JAKMIP3: variants seen among roughly 807,000 people sequenced by gnomAD.
JAKMIP3 encodes the protein Janus kinase and microtubule interacting protein 3, also known as janus kinase and microtubule-interacting protein 3.
In JAKMIP3, 58 loss-of-function variants were observed where a neutral mutation model predicts 118.5. The ratio of observed to expected loss-of-function variants is 0.49; its 90% CI spans 0.40 to 0.61. The LOEUF is 0.61. JAKMIP3 is among the 20% of genes least tolerant of loss of function. The pLI is 0.00. For missense variants in JAKMIP3, 950 were observed against 1,109.0 expected (o/e 0.86, Z 2.04); for synonymous variants, 486 against 451.2 (o/e 1.08, Z -0.98).
chr10:132,122,316 C>T (rs560909965), intron 3 of JAKMIP3, among the ~76,000 whole-genome samples: 31 of 152,088 alleles, frequency 2.0e-4, no homozygotes, highest in African/African-American at 7.2e-4. Flanking sequence ...CCCCGGCTGT[C>T]GGGGCCCTGA....
chr10:132,086,838 G>A (rs1363951064), intron 1 of JAKMIP3, among the ~76,000 whole-genome samples: 1 of 152,180 alleles, frequency 6.6e-6, no homozygotes, highest in East Asian at 1.9e-4. Flanking sequence ...TTTAAGTGGA[G>A]GCTTTAGGCC....
At chr10:132,134,834 C>T (rs11146205) in intron 4 of JAKMIP3, among the ~76,000 whole-genome samples, 43,307 of 152,066 alleles carry the variant, frequency 0.28, 7,450 homozygotes, top group Non-Finnish European at 0.4. Flanking sequence ...CTCTGCCCGT[C>T]GGTTCTGTTG....
chr10:132,109,870 G>T (rs370511786), intron 2 of JAKMIP3, among the ~76,000 whole-genome samples: 1 of 152,212 alleles, frequency 6.6e-6, no homozygotes, highest in Admixed American at 6.5e-5. Context: ...CCAAACACTT[G>T]CATAAGTCTT....
chr10:132,159,751 CCTCTTCCTGTGTGATACTGGGGGGT>C lies in JAKMIP3; in HGVS notation c.2221-3442_2221-3418del, dbSNP rs2057760250. On this transcript the variant is annotated intron_variant, in intron 19 of 23. Transcript: ENST00000684848. ...GTCTTCCTGTGTGATACTGGGGGGG[CCTCTTCCTGTGTGATACTGGGGGGT>C]CTCTTCCTGTGTGATGCTGGGGGGC... 2.0e-4 allele frequency among the ~76,000 whole-genome samples: 9 copies of C among 46,078 alleles called. 1 individual carries two copies. The highest frequency in any genetic ancestry group is 3.4e-4 in the Admixed American group (1 of 2,914). The allele number at this position is 46,078 out of a possible 152,430, so 30.2% of individuals were successfully genotyped here.
At chr10:132,057,258 G>C (rs371608834) in intron 1 of JAKMIP3, among the ~76,000 whole-genome samples, 5 of 152,168 alleles carry the variant, frequency 3.3e-5, no homozygotes, top group African/African-American at 1.2e-4. Context: ...GGGCCTCACT[G>C]TTGTCCACCC....
At chr10:132,106,801 T>C (rs1284444049) in intron 2 of JAKMIP3, among the ~76,000 whole-genome samples, 1 of 152,248 alleles carries the variant, frequency 6.6e-6, no homozygotes, top group African/African-American at 2.4e-5. Context: ...CTTCCCTCTC[T>C]GCATTTTGCT....
At chr10:132,067,654 C>A (rs1017560011) in intron 1 of JAKMIP3, among the ~76,000 whole-genome samples, 9 of 113,600 alleles carry the variant, frequency 7.9e-5, no homozygotes, top group Non-Finnish European at 1.5e-4. Flanking sequence ...TCTGGGCTTC[C>A]GTGTGGACTG....
chr10:132,135,859 G>GC, intron 5 of JAKMIP3, 71 bp from the exon 6 acceptor site: 1 of 1,508,576 alleles, frequency 6.6e-7, no homozygotes, highest in Non-Finnish European at 9.0e-7. Context: ...TGGTCAGTCA[G>GC]CCGACTCTGC....
intron 1 of JAKMIP3, among the ~76,000 whole-genome samples, chr10:132,073,638 A>G (rs188451376): frequency 3.3e-5 from 5 of 151,954 alleles, no homozygotes; most frequent in Admixed American, 3.3e-4. Context: ...CTTGGACTAT[A>G]GGTGTACACC....
intron 1 of JAKMIP3, among the ~76,000 whole-genome samples, chr10:132,079,277 T>C (rs2041399519): frequency 6.6e-6 from 1 of 152,172 alleles, no homozygotes; most frequent in African/African-American, 2.4e-5. Context: ...ATTAGATGGG[T>C]CCATTTGCTG....
At chr10:132,081,593 G>T in intron 1 of JAKMIP3, among the ~76,000 whole-genome samples, 1 of 152,160 alleles carries the variant, frequency 6.6e-6, no homozygotes, top group Non-Finnish European at 1.5e-5. Context: ...CCCTTGGAGA[G>T]GTCTGGAGAT....
chr10:132,163,201 C>G lies in JAKMIP3; in HGVS notation c.2221-8C>G. On this transcript the variant is annotated splice_region_variant and splice_polypyrimidine_tract_variant and intron_variant, in intron 19 of 23. Transcript: ENST00000684848. ...GCAAGGACTAAGGCGTCTCCCCTTC[C>G]GCCCCAGCACATCCTGGAGCTGGAA... 1 of 1,551,754 alleles carries G rather than the reference C, an allele frequency of 6.4e-7. No homozygotes were observed. The highest frequency in any genetic ancestry group is 8.7e-7 in the Non-Finnish European group (1 of 1,147,630).
upstream of JAKMIP3, among the ~76,000 whole-genome samples, chr10:132,063,299 T>C (rs1265505299): frequency 6.6e-6 from 1 of 152,132 alleles, no homozygotes; most frequent in Non-Finnish European, 1.5e-5. Flanking sequence ...GGCCTGCTGT[T>C]TAAGCCTCTT....
intron 21 of JAKMIP3, 57 bp downstream of exon 21, chr10:132,164,792 T>G: frequency 2.5e-6 from 3 of 1,210,490 alleles, no homozygotes; most frequent in Non-Finnish European, 2.4e-6. Flanking sequence ...AGGAACCCGG[T>G]GTCACCCCGA....
At chr10:132,126,526 C>T (rs113775062) in intron 3 of JAKMIP3, among the ~76,000 whole-genome samples, 5,066 of 143,122 alleles carry the variant, frequency 0.035, 158 homozygotes, top group East Asian at 0.12. Context: ...TGGTCGTGAA[C>T]TCCTGGCTCA....
At chr10:132,152,043 G>A (rs1417315947) in intron 16 of JAKMIP3, among the ~76,000 whole-genome samples, 1 of 152,034 alleles carries the variant, frequency 6.6e-6, no homozygotes, top group Non-Finnish European at 1.5e-5. Flanking sequence ...TGTTGGGAGA[G>A]GTCTGTGGCC....
chr10:132,044,360 G>A lies in JAKMIP3; in HGVS notation c.-138+7622G>A, dbSNP rs1351704500. Among the ~76,000 whole-genome samples the A allele has an allele frequency of 6.6e-6, 1 of 152,220 alleles. No homozygotes were observed. The highest frequency in any genetic ancestry group is 2.1e-4 in the South Asian group (1 of 4,832). On this transcript the variant is annotated intron_variant, in intron 1 of 23. Coordinates refer to the JAKMIP3 transcript ENST00000657785. This position sits in a 1 kb window ranked among gnomAD's most constrained non-coding sequence, Gnocchi z 5.3. Reference sequence around the variant, plus strand: ...TGAGACAGACACAACTTCAGCCGTCGTGCAAACAGGTCATCTTAGCAGTGA... The same window carrying A: ...TGAGACAGACACAACTTCAGCCGTCATGCAAACAGGTCATCTTAGCAGTGA...
intron 23 of JAKMIP3, chr10:132,181,416 T>A (rs1439819371): frequency 2.0e-5 from 3 of 152,220 alleles, no homozygotes; most frequent in Non-Finnish European, 4.4e-5. Flanking sequence ...CTTCTCAGCC[T>A]GGAAGTGTCA....
intron 1 of JAKMIP3, among the ~76,000 whole-genome samples, chr10:132,083,333 T>G (rs554764461): frequency 6.6e-6 from 1 of 152,340 alleles, no homozygotes; most frequent in South Asian, 2.1e-4. Flanking sequence ...GTATATCTTC[T>G]TTCGAGAATT....
Sources: gnomAD v4.1 joint callset for allele counts (sites outside exome capture counted in the v4.1 genomes callset) on GRCh38, gnomAD v4.1.1 for gene constraint, Gnocchi (gnomAD v3.1) non-coding constraint, MANE v1.5 for transcripts, NCBI Gene and HGNC (gene_info 2026-07-23, HGNC 2026-07-21) for gene names.